Variants in IZUMO2 observed in about 807,000 individuals in gnomAD.
IZUMO2 encodes izumo sperm-egg fusion protein 2.
In IZUMO2, 24 loss-of-function variants were observed where a neutral mutation model predicts 31.2. The ratio of observed to expected loss-of-function variants is 0.77; its 90% CI spans 0.56 to 1.08. The LOEUF is 1.08. IZUMO2 is among the 50% of genes least tolerant of loss of function. IZUMO2 has a pLI of 0.00. For synonymous variants in IZUMO2, 144 were observed against 117.3 expected, an observed-to-expected ratio of 1.23 and a Z score of -1.47; for missense variants, 278 against 274.0, an observed-to-expected ratio of 1.01 and a Z score of -0.10.
rs1157552161 is a variant in IZUMO2 at position 50,163,128 on chromosome 19, G to T, written c.67C>A (p.Gln23Lys). 7 of 1,598,666 alleles carry T rather than the reference G, an allele frequency of 4.4e-6. No homozygotes were observed. The highest frequency in any genetic ancestry group is 6.0e-6 in the Non-Finnish European group (7 of 1,173,318). ...LGAPGGWGCL[Q>K]CDPLVLEALG... ...GCCTCCAGCACCAAGGGGTCGCACT[G>T]CAGGCAGCCCCAGCCTCCGGGGGCG... The change falls in exon 1 of 7, where the codon CAG (glutamine) becomes AAG (lysine). Residue 23 changes from glutamine (Q) to lysine (K), a missense_variant. Coordinates refer to ENST00000293405, the MANE Select transcript of IZUMO2 (RefSeq NM_152358.3).
intron 2 of IZUMO2, chr19:50,160,151 T>C (rs2030349053): frequency 6.5e-6 from 1 of 153,374 alleles, no homozygotes; most frequent in African/African-American, 2.4e-5. Context: ...ACCCGACCTC[T>C]TCTTTTTTGT....
chr19:50,152,946 G>A (rs1395198072), intron 6 of IZUMO2, among the ~76,000 whole-genome samples: 2 of 152,054 alleles, frequency 1.3e-5, no homozygotes, highest in Non-Finnish European at 2.9e-5. Flanking sequence ...GTAGAGACAG[G>A]GTATAGTGGA....
chr19:50,154,567 C>T (rs373238643), intron 6 of IZUMO2, 33 bp downstream of exon 6: 15 of 1,611,872 alleles, frequency 9.3e-6, no homozygotes, highest in Non-Finnish European at 1.3e-5. Context: ...GTGGGTTCCA[C>T]GGGGGACTGA....
intron 2 of IZUMO2, chr19:50,160,376 A>G (rs1216686902): frequency 1.3e-5 from 2 of 152,130 alleles, no homozygotes; most frequent in Non-Finnish European, 2.9e-5. Context: ...TCCTATGTGG[A>G]TTGCATGCTG....
intron 5 of IZUMO2, among the ~76,000 whole-genome samples, chr19:50,157,597 T>C (rs553428320): frequency 7.8e-4 from 116 of 148,458 alleles, no homozygotes; most frequent in African/African-American, 2.8e-3. Context: ...CCACTGCATG[T>C]TCGGTCTCGT....
intron 5 of IZUMO2, among the ~76,000 whole-genome samples, chr19:50,157,915 A>C (rs1049423938): frequency 5.1e-4 from 78 of 151,932 alleles, no homozygotes; most frequent in African/African-American, 1.9e-3. Context: ...CCATATAAAA[A>C]AAAAAAAAAA....
intron 2 of IZUMO2, 25 bp downstream of exon 2, chr19:50,162,714 G>A (rs2030440435): frequency 1.3e-6 from 2 of 1,592,104 alleles, no homozygotes; most frequent in Admixed American, 3.3e-5. Flanking sequence ...GGGTGCTGGA[G>A]AAGGCGTTCC....
intron 2 of IZUMO2, among the ~76,000 whole-genome samples, chr19:50,161,972 T>C (rs193012413): frequency 5.7e-4 from 87 of 152,310 alleles, no homozygotes; most frequent in African/African-American, 2.0e-3. Flanking sequence ...TTCCTTGGAA[T>C]ATCCTGCCTG....
chr19:50,154,423 G>T (rs1331850892), intron 6 of IZUMO2, among the ~76,000 whole-genome samples, 177 bp downstream of exon 6: 1 of 150,512 alleles, frequency 6.6e-6, no homozygotes, highest in Non-Finnish European at 1.5e-5. Context: ...AAGGTACGGG[G>T]CAGGGGGCGG....
intron 3 of IZUMO2, 112 bp from the exon 4 acceptor site, chr19:50,159,362 A>G: frequency 7.7e-7 from 1 of 1,304,312 alleles, no homozygotes; most frequent in Non-Finnish European, 1.1e-6. Context: ...GAGAGAAGGG[A>G]AGATTGGGGA....
chr19:50,152,791 G>A, intron 6 of IZUMO2, 140 bp from the exon 7 acceptor site: 1 of 739,716 alleles, frequency 1.4e-6, no homozygotes, highest in South Asian at 1.6e-5. Flanking sequence ...ATGGGCATCT[G>A]GGCAGATTTT....
At chr19:50,154,865 C>T in intron 5 of IZUMO2, 139 bp from the exon 6 acceptor site, 3 of 858,950 alleles carry the variant, frequency 3.5e-6, no homozygotes, top group Non-Finnish European at 5.3e-6. Context: ...CTGCTTGTTC[C>T]CTGCCCTCTC....
intron 5 of IZUMO2, among the ~76,000 whole-genome samples, chr19:50,155,347 G>A (rs564932396): frequency 1.1e-4 from 17 of 152,256 alleles, no homozygotes; most frequent in East Asian, 3.9e-4. Flanking sequence ...GCCGTGAGCC[G>A]TGACTGTGCC....
intron 4 of IZUMO2, 118 bp from the exon 5 acceptor site, chr19:50,158,466 G>T: frequency 1.7e-6 from 1 of 588,274 alleles, no homozygotes; most frequent in South Asian, 2.4e-5. Flanking sequence ...AATTTCATAG[G>T]TCCCACTGCC....
Position 50,154,729 on chromosome 19 carries a change from G to C in IZUMO2, c.497-3C>G. On this transcript the variant is annotated splice_region_variant and splice_polypyrimidine_tract_variant and intron_variant, in intron 5 of 6. Coordinates refer to ENST00000293405, the MANE Select transcript of IZUMO2 (RefSeq NM_152358.3). ...GGCCACGCGGGGTTGCCGGTCGACT[G>C]GGGCGGGTGGGGAAACAGCCCCGAC... 6.2e-7 allele frequency: 1 copy of C among 1,613,344 alleles called. No individual in the cohort carries two copies. Among genetic ancestry groups the C allele is most frequent in the African/African-American group, 1.3e-5 (1 of 75,022 alleles).
intron 1 of IZUMO2, 68 bp downstream of exon 1, chr19:50,162,895 C>T (rs924198092): frequency 2.2e-5 from 36 of 1,605,618 alleles, no homozygotes; most frequent in African/African-American, 1.2e-4. Context: ...TGGCCCCGAC[C>T]CCTCTTGGGG....
At position 50,159,549 on chromosome 19, in the gene IZUMO2, G is replaced by A. The variant is rs1230383550; in HGVS notation, c.339C>T (p.Leu113=). 1 of 1,613,382 alleles carries A rather than the reference G, an allele frequency of 6.2e-7. No individual in the cohort carries two copies. Among genetic ancestry groups the A allele is most frequent in the Non-Finnish European group, 8.5e-7 (1 of 1,179,466 alleles). Residue 113 remains leucine (L), a synonymous_variant, in exon 3 of 7, where the codon CTC becomes CTT. Coordinates refer to ENST00000293405, the MANE Select transcript of IZUMO2 (RefSeq NM_152358.3). ...DEPLLEELVT[L]RANVIKEFKK... is the part of the protein sequence containing the mutation. The stretch of plus-strand genomic sequence containing the variant: ...TGAATTCCTTGATCACATTCGCCCT[G>A]AGGGTCACCAGCTCTTCCAGCAGAG...
intron 2 of IZUMO2, chr19:50,160,136 A>G (rs2030347910): frequency 6.5e-6 from 1 of 153,400 alleles, no homozygotes; most frequent in Non-Finnish European, 1.4e-5. Flanking sequence ...GACGTGAGCC[A>G]CCGCACCCGA....
rs976329430 is a variant in IZUMO2, at chr19:50,154,843, C to G, written c.497-117G>C. On this transcript the variant is annotated intron_variant, in intron 5 of 6. Coordinates refer to ENST00000293405, the MANE Select transcript of IZUMO2 (RefSeq NM_152358.3). ...CAGGGGTGGGGGTGGGGCGCTCTCT[C>G]TTCTTCTCTTCCTGCTTGTTCCCTG... 2.6e-5 allele frequency: 29 copies of G among 1,112,492 alleles called. No individual in the cohort carries two copies. The East Asian group carries it at 7.3e-4, about 28-fold the overall frequency. 68.9% of individuals were successfully genotyped at this position (1,112,492 alleles called of 1,614,324 possible).
Sources: gnomAD v4.1 joint callset for allele counts (sites outside exome capture counted in the v4.1 genomes callset) on GRCh38, gnomAD v4.1.1 for gene constraint, MANE v1.5 for transcripts, NCBI Gene and HGNC (gene_info 2026-07-23, HGNC 2026-07-21) for gene names.